Variants in SYNDIG1 observed in about 807,000 individuals in gnomAD.
SYNDIG1 encodes the protein synapse differentiation-inducing gene protein 1.
SYNDIG1 carries 9 observed loss-of-function variants against 19.4 expected under a neutral mutation model. The observed-to-expected ratio is 0.46, with a 90% confidence interval of 0.28 to 0.81. The LOEUF (loss-of-function observed/expected upper bound fraction) is 0.81. Among genes scored for constraint, SYNDIG1 ranks in the 30% least tolerant of loss-of-function variants. The pLI, the probability that SYNDIG1 is intolerant of heterozygous loss-of-function variation, is 0.12. For synonymous variants in SYNDIG1, 141 were observed against 145.9 expected (o/e 0.97, Z 0.24); for missense variants, 311 against 343.3 (o/e 0.91, Z 0.74).
intron 2 of SYNDIG1, among the ~76,000 whole-genome samples, chr20:24,554,172 C>T (rs1252342009): frequency 5.3e-5 from 8 of 152,156 alleles, no homozygotes; most frequent in African/African-American, 1.9e-4. Context: ...TGAGACTTTG[C>T]TGAAGTTGCT....
At chr20:24,514,472 A>G (rs2056819174) in intron 1 of SYNDIG1, among the ~76,000 whole-genome samples, 1 of 152,222 alleles carries the variant, frequency 6.6e-6, no homozygotes, top group African/African-American at 2.4e-5. Flanking sequence ...AGGGGTTGCA[A>G]TCCTAGTCTC....
At chr20:24,569,475 G>A (rs866487783) in intron 2 of SYNDIG1, among the ~76,000 whole-genome samples, 2 of 152,180 alleles carry the variant, frequency 1.3e-5, no homozygotes. Context: ...GCCCCTGAGT[G>A]AGCCCCGGGG....
intron 1 of SYNDIG1, among the ~76,000 whole-genome samples, chr20:24,478,967 A>G (rs907033425): frequency 6.6e-6 from 1 of 152,232 alleles, no homozygotes; most frequent in African/African-American, 2.4e-5. Flanking sequence ...TCTCGCTCTC[A>G]GCATAAGGCT....
At chr20:24,652,942 A>G (rs934433966) in intron 3 of SYNDIG1, among the ~76,000 whole-genome samples, 1 of 152,002 alleles carries the variant, frequency 6.6e-6, no homozygotes, top group African/African-American at 2.4e-5. Flanking sequence ...CTGCCTCCCT[A>G]TCTCACCTCT....
At chr20:24,652,046 GAC>G (rs1568716957) in intron 3 of SYNDIG1, among the ~76,000 whole-genome samples, 2 of 152,128 alleles carry the variant, frequency 1.3e-5, no homozygotes, top group Non-Finnish European at 2.9e-5. Flanking sequence ...CAAATTATGA[GAC>G]AGAAAAAAAT....
chr20:24,567,753 G>C (rs2058075027), intron 2 of SYNDIG1, among the ~76,000 whole-genome samples: 1 of 152,244 alleles, frequency 6.6e-6, no homozygotes, highest in African/African-American at 2.4e-5. Flanking sequence ...ATGGGAGGGA[G>C]GCACGGAGAG....
chr20:24,568,003 T>A (rs1288738497), intron 2 of SYNDIG1, among the ~76,000 whole-genome samples: 1 of 151,810 alleles, frequency 6.6e-6, no homozygotes, highest in Non-Finnish European at 1.5e-5. Flanking sequence ...ACATGATGGG[T>A]GATGGCAGGT....
chr20:24,471,536 G>A (rs2055457645), intron 1 of SYNDIG1, among the ~76,000 whole-genome samples: 1 of 144,976 alleles, frequency 6.9e-6, no homozygotes, highest in East Asian at 2.0e-4. Flanking sequence ...GCTGATCGGC[G>A]CCCTCTCTCA....
intron 2 of SYNDIG1, among the ~76,000 whole-genome samples, chr20:24,550,465 T>C (rs1303598847): frequency 1.3e-5 from 2 of 152,100 alleles, no homozygotes; most frequent in Non-Finnish European, 2.9e-5. Flanking sequence ...TTCTTTGTTG[T>C]CCTTTATTTT....
chr20:24,593,210 A>C (rs986225222), intron 3 of SYNDIG1, among the ~76,000 whole-genome samples: 1 of 152,118 alleles, frequency 6.6e-6, no homozygotes, highest in East Asian at 1.9e-4. Flanking sequence ...TCCTTCCTCA[A>C]GTCGGCCCCA....
intron 3 of SYNDIG1, among the ~76,000 whole-genome samples, chr20:24,604,313 C>T (rs962522914): frequency 1.3e-5 from 2 of 152,196 alleles, no homozygotes; most frequent in East Asian, 3.9e-4. Flanking sequence ...GCTGCATTCC[C>T]AGGTTAGGCA....
intron 2 of SYNDIG1, among the ~76,000 whole-genome samples, chr20:24,559,762 G>A (rs954588751): frequency 3.3e-5 from 5 of 152,118 alleles, no homozygotes; most frequent in African/African-American, 9.7e-5. Context: ...TTCTCGTTTG[G>A]AAGTTTTTTT....
intron 2 of SYNDIG1, among the ~76,000 whole-genome samples, chr20:24,583,246 C>T (rs566746064): frequency 8.5e-5 from 13 of 152,340 alleles, no homozygotes; most frequent in Middle Eastern, 3.4e-3. Flanking sequence ...TGGCAAGCAG[C>T]GGGCTCGCAG....
chr20:24,518,024 T>C (rs1489584462), intron 1 of SYNDIG1, among the ~76,000 whole-genome samples: 1 of 151,694 alleles, frequency 6.6e-6, no homozygotes, highest in African/African-American at 2.4e-5. Flanking sequence ...CCAGTATGGG[T>C]CTTGATCTCT....
chr20:24,599,242 C>G (rs1216356675), intron 3 of SYNDIG1, among the ~76,000 whole-genome samples: 3 of 152,028 alleles, frequency 2.0e-5, no homozygotes, highest in African/African-American at 7.2e-5. Context: ...ATGCTGAACA[C>G]CACTAATCAT....
intron 2 of SYNDIG1, among the ~76,000 whole-genome samples, chr20:24,566,121 C>T (rs2058037768): frequency 6.6e-6 from 1 of 152,126 alleles, no homozygotes; most frequent in South Asian, 2.1e-4. Flanking sequence ...CAGAGTCCCA[C>T]AGAGGGAATC....
At chr20:24,572,805 A>G (rs2058166012) in intron 2 of SYNDIG1, among the ~76,000 whole-genome samples, 1 of 152,230 alleles carries the variant, frequency 6.6e-6, no homozygotes. Context: ...TGAAACTGTA[A>G]CAACTGATAG....
At chr20:24,487,613 G>C (rs1304717937) in intron 1 of SYNDIG1, among the ~76,000 whole-genome samples, 1 of 152,184 alleles carries the variant, frequency 6.6e-6, no homozygotes, top group South Asian at 2.1e-4. Flanking sequence ...GCACCCCCAC[G>C]TGCACACAGA....
intron 3 of SYNDIG1, among the ~76,000 whole-genome samples, chr20:24,621,954 A>T (rs557141874): frequency 6.6e-6 from 1 of 152,346 alleles, no homozygotes; most frequent in South Asian, 2.1e-4. Context: ...GTCTTATTTA[A>T]CTCAGTATCT....
Sources: allele counts gnomAD v4.1 joint callset (sites outside exome capture counted in the v4.1 genomes callset), GRCh38; gene constraint gnomAD v4.1.1; transcripts MANE v1.5; gene names NCBI Gene and HGNC (gene_info 2026-07-23, HGNC 2026-07-21).